RALYL: variants seen among roughly 807,000 people sequenced by gnomAD.
RALYL encodes RALY RNA binding protein like.
In RALYL, 29 loss-of-function variants were observed where a neutral mutation model predicts 35.1. The observed-to-expected ratio is 0.83, with a 90% CI of 0.61 to 1.13. The LOEUF (loss-of-function observed/expected upper bound fraction) is 1.13. Among genes scored for constraint, RALYL ranks in the 50% most tolerant of loss-of-function variants. RALYL has a pLI of 0.00. For synonymous variants in RALYL, 120 were observed against 127.6 expected (o/e 0.94, Z 0.40); for missense variants, 359 against 360.4 (o/e 1.00, Z 0.03).
intron 3 of RALYL, among the ~76,000 whole-genome samples, chr8:84,800,978 T>TTGAG (rs1267860705): frequency 6.6e-6 from 1 of 152,324 alleles, no homozygotes; most frequent in East Asian, 1.9e-4. Flanking sequence ...CCCAAACTCC[T>TTGAG]TGAGTTGGCT....
At chr8:84,359,490 T>A (rs1442752141) in intron 1 of RALYL, among the ~76,000 whole-genome samples, 1 of 152,070 alleles carries the variant, frequency 6.6e-6, no homozygotes, top group Non-Finnish European at 1.5e-5. Context: ...TCCTTAGCTA[T>A]CTTCAGTAAT....
chr8:84,672,545 A>G (rs1037075864), intron 2 of RALYL, among the ~76,000 whole-genome samples: 1 of 152,138 alleles, frequency 6.6e-6, no homozygotes, highest in Non-Finnish European at 1.5e-5. Flanking sequence ...TCATATTGCT[A>G]TGAAGAACTA....
At chr8:84,307,442 T>G (rs1465170469) in intron 1 of RALYL, among the ~76,000 whole-genome samples, 1 of 152,120 alleles carries the variant, frequency 6.6e-6, no homozygotes, top group African/African-American at 2.4e-5. Flanking sequence ...CCCTCTCTTG[T>G]CAATTCCAGC....
chr8:84,778,095 A>G (rs1817274861), intron 3 of RALYL, among the ~76,000 whole-genome samples: 1 of 152,184 alleles, frequency 6.6e-6, no homozygotes, highest in Non-Finnish European at 1.5e-5. Flanking sequence ...AGAAAATGGC[A>G]AGAACAGGGT....
chr8:84,511,936 C>A (rs2057662415), intron 1 of RALYL, among the ~76,000 whole-genome samples: 1 of 152,188 alleles, frequency 6.6e-6, no homozygotes, highest in African/African-American at 2.4e-5. Context: ...TTTATCCATT[C>A]ATCTCTTGCT....
intron 1 of RALYL, among the ~76,000 whole-genome samples, chr8:84,442,982 A>G (rs944360260): frequency 1.3e-5 from 2 of 152,124 alleles, no homozygotes; most frequent in Admixed American, 6.6e-5. Context: ...AAGTGATGTG[A>G]AAGAGCCTAC....
intron 1 of RALYL, among the ~76,000 whole-genome samples, chr8:84,243,680 A>C (rs151162873): frequency 4.9e-4 from 74 of 152,016 alleles, no homozygotes; most frequent in African/African-American, 1.8e-3. Context: ...CTCCATATGC[A>C]TTTATTCATG....
intron 5 of RALYL, among the ~76,000 whole-genome samples, chr8:84,855,524 T>TTATC (rs1291555049): frequency 1.3e-5 from 2 of 152,234 alleles, no homozygotes; most frequent in Admixed American, 1.3e-4. Context: ...TTCTAAATTC[T>TTATC]TATCTTTTCT....
At chr8:84,277,749 T>C (rs192178358) in intron 1 of RALYL, among the ~76,000 whole-genome samples, 69 of 152,304 alleles carry the variant, frequency 4.5e-4, no homozygotes, top group Non-Finnish European at 9.1e-4. Flanking sequence ...AGCAGGGCAA[T>C]CAAATCTTAA....
intron 1 of RALYL, among the ~76,000 whole-genome samples, chr8:84,233,964 T>A (rs542338092): frequency 6.6e-6 from 1 of 152,340 alleles, no homozygotes; most frequent in East Asian, 1.9e-4. Context: ...TCTAAGGATG[T>A]GCAGTGAGCT....
chr8:84,731,163 C>G (rs149160647), intron 2 of RALYL, among the ~76,000 whole-genome samples: 2,163 of 152,162 alleles, frequency 0.014, 58 homozygotes, highest in African/African-American at 0.049. Flanking sequence ...TATCTCTAAT[C>G]TATCGAATGG....
chr8:84,192,373 GACAA>G (rs1220661482), intron 1 of RALYL, among the ~76,000 whole-genome samples: 1 of 152,162 alleles, frequency 6.6e-6, no homozygotes, highest in African/African-American at 2.4e-5. Context: ...AAGGACTAAA[GACAA>G]ACAAATGCAG....
At chr8:84,302,193 T>C (rs531536530) in intron 1 of RALYL, among the ~76,000 whole-genome samples, 5 of 152,182 alleles carry the variant, frequency 3.3e-5, no homozygotes, top group Non-Finnish European at 5.9e-5. Flanking sequence ...CTTTTTAAAA[T>C]TTGTGAACAT....
rs145030996 is a variant in RALYL, at chr8:84,261,987, G to T, written c.-24+77563G>T. Among the ~76,000 whole-genome samples the T allele has an allele frequency of 1.8e-4, 28 of 152,174 alleles. No homozygotes were observed. The East Asian group carries it at 5.4e-3, about 29-fold the overall frequency. On this transcript the variant is annotated intron_variant, in intron 1 of 8. Coordinates refer to ENST00000521268, the MANE Select transcript of RALYL (RefSeq NM_173848.7). ...AGACACTTGACAGAGGAAATTTTGTGTCATCACTTATTAAACTCAAAGTTA... is the reference window on the plus strand; with the variant it reads ...AGACACTTGACAGAGGAAATTTTGTTTCATCACTTATTAAACTCAAAGTTA...
At chr8:84,610,560 G>A (rs888786433) in intron 2 of RALYL, among the ~76,000 whole-genome samples, 1 of 152,040 alleles carries the variant, frequency 6.6e-6, no homozygotes, top group African/African-American at 2.4e-5. Context: ...ATTCTTCGCT[G>A]CTCTTCTTTG....
intron 2 of RALYL, among the ~76,000 whole-genome samples, chr8:84,666,141 G>T (rs1414130111): frequency 2.0e-5 from 3 of 151,944 alleles, no homozygotes; most frequent in African/African-American, 4.8e-5. Flanking sequence ...AACCAAGGTT[G>T]GCTCTATTCT....
chr8:84,859,187 T>C (rs952240763), intron 5 of RALYL, among the ~76,000 whole-genome samples: 4 of 152,218 alleles, frequency 2.6e-5, no homozygotes, highest in Non-Finnish European at 5.9e-5. Context: ...GCATACACCC[T>C]ATGTATATTA....
At chr8:84,882,302 G>A (rs977571565) in intron 7 of RALYL, among the ~76,000 whole-genome samples, 2 of 151,914 alleles carry the variant, frequency 1.3e-5, no homozygotes, top group African/African-American at 4.8e-5. Flanking sequence ...GCCAGTGTTC[G>A]AAGGCAGCCC....
intron 1 of RALYL, among the ~76,000 whole-genome samples, chr8:84,381,907 C>G (rs911058865): frequency 6.6e-6 from 1 of 151,618 alleles, no homozygotes. Flanking sequence ...TATAATGAAT[C>G]TGTCCATAGG....
Sources: gnomAD v4.1 joint callset for allele counts (sites outside exome capture counted in the v4.1 genomes callset) on GRCh38, gnomAD v4.1.1 for gene constraint, MANE v1.5 for transcripts, NCBI Gene and HGNC (gene_info 2026-07-23, HGNC 2026-07-21) for gene names.